ADAM12: variants seen among roughly 807,000 people sequenced by gnomAD.
The protein encoded by ADAM12 is ADAM metallopeptidase domain 12.
A neutral mutation model predicts 106.4 loss-of-function variants in ADAM12; 70 were observed. The observed-to-expected ratio is 0.66, with a 90% confidence interval of 0.54 to 0.80. The LOEUF (loss-of-function observed/expected upper bound fraction) is 0.80. ADAM12 is among the 30% of genes least tolerant of loss of function. The pLI is 0.00. For missense variants in ADAM12, 1,010 were observed against 1,171.9 expected (o/e 0.86, Z 2.02); for synonymous variants, 420 against 433.5 (o/e 0.97, Z 0.39).
chr10:126,044,549 G>T (rs1198489343), intron 17 of ADAM12, among the ~76,000 whole-genome samples: 1 of 152,192 alleles, frequency 6.6e-6, no homozygotes, highest in African/African-American at 2.4e-5. Flanking sequence ...ATGACATTCA[G>T]TAAATCAATC....
At chr10:126,252,790 T>A (rs769307909) in intron 3 of ADAM12, among the ~76,000 whole-genome samples, 6 of 152,034 alleles carry the variant, frequency 3.9e-5, no homozygotes, top group Non-Finnish European at 7.4e-5. Context: ...GTTAACCCAG[T>A]CAAGTTGACA....
At chr10:126,376,052 CTT>C in intron 1 of ADAM12, among the ~76,000 whole-genome samples, 1 of 151,506 alleles carries the variant, frequency 6.6e-6, no homozygotes, top group Admixed American at 6.6e-5. Context: ...CTGGCTAATC[CTT>C]TTGTTTATCA....
In ADAM12 at chr10:126,203,371, T is replaced by C. The variant is rs56672178; in HGVS notation, c.261-48066A>G. Among the ~76,000 whole-genome samples the C allele has an allele frequency of 5.2e-3, 790 of 152,316 alleles. 4 individuals are homozygous for C. Among genetic ancestry groups the C allele is most frequent in the African/African-American group, 0.018 (741 of 41,566 alleles). On this transcript the variant is annotated intron_variant, in intron 3 of 22. Coordinates refer to ENST00000448723, the MANE Select transcript of ADAM12 (RefSeq NM_001288973.2). ...TAGCTTGGTTCAGTTGTTACTAAAA[T>C]CATATTTAAGGTAAATATTGCAACA...
chr10:126,192,690 TCAC>T (rs1957525551), intron 3 of ADAM12, among the ~76,000 whole-genome samples: 1 of 152,250 alleles, frequency 6.6e-6, no homozygotes, highest in African/African-American at 2.4e-5. Flanking sequence ...AAAATGTCCT[TCAC>T]TACCAGTTGA....
Position 126,066,793 on chromosome 10 carries a change from C to T in ADAM12, c.1337G>A (p.Arg446His), listed in dbSNP as rs752942246. 3.6e-5 allele frequency: 58 copies of T among 1,614,052 alleles called. No individual in the cohort carries two copies. The highest frequency in any genetic ancestry group is 5.0e-5 in the Admixed American group (3 of 60,018). ...GGTACAGGTGGTGGCATTGCAGCAG[C>T]GATTCATACATTCCTGGAAAGGGGA... ...DCGEPEECMN[R>H]CCNATTCTLK... Residue 446 changes from arginine to histidine, a missense_variant, in exon 13 of 23, where the codon CGC becomes CAC. Arg to His is a conservative substitution (Grantham distance 29). This residue lies in a region of ADAM12 where 615 missense variants were observed against 708.5 expected (regional missense o/e 0.87). Coordinates refer to ENST00000448723, the MANE Select transcript of ADAM12 (RefSeq NM_001288973.2). The surrounding 1 kb of genome is among the most constrained non-coding windows in gnomAD (Gnocchi z 5.1).
At chr10:126,037,375 T>C (rs1447450751) in intron 20 of ADAM12, among the ~76,000 whole-genome samples, 2 of 152,124 alleles carry the variant, frequency 1.3e-5, no homozygotes, top group East Asian at 1.9e-4. Flanking sequence ...TTCTCGCTTA[T>C]GGTTCCACCT....
At chr10:126,233,945 G>A (rs887296934) in intron 3 of ADAM12, among the ~76,000 whole-genome samples, 10 of 152,318 alleles carry the variant, frequency 6.6e-5, no homozygotes, top group East Asian at 1.9e-4. Context: ...TTAAGGAACC[G>A]GCAATATATC....
intron 3 of ADAM12, among the ~76,000 whole-genome samples, chr10:126,228,910 A>C (rs1354675489): frequency 6.6e-6 from 1 of 152,256 alleles, no homozygotes; most frequent in Non-Finnish European, 1.5e-5. Context: ...GATTTTATAG[A>C]TTAAGGTTAA....
intron 1 of ADAM12, among the ~76,000 whole-genome samples, chr10:126,359,632 A>G (rs1855670865): frequency 6.6e-6 from 1 of 152,178 alleles, no homozygotes; most frequent in Non-Finnish European, 1.5e-5. Flanking sequence ...CATGGTCTTG[A>G]GCAGCTCCAC....
intron 1 of ADAM12, among the ~76,000 whole-genome samples, chr10:126,368,770 A>G (rs1856006771): frequency 6.6e-6 from 1 of 152,032 alleles, no homozygotes; most frequent in African/African-American, 2.4e-5. Flanking sequence ...AAAAGTTTAA[A>G]ATGAGGGTAG....
In ADAM12 at chr10:126,131,616, C is replaced by G. The variant is rs7893541; in HGVS notation, c.416+3968G>C. Among the ~76,000 whole-genome samples the G allele has an allele frequency of 3.3e-3, 499 of 152,212 alleles. 4 individuals are homozygous for G. The highest frequency in any genetic ancestry group is 0.012 in the African/African-American group (487 of 41,530). The stretch of plus-strand genomic sequence containing the variant: ...CACCAGAGCTTCCTCCCTCTGTACA[C>G]GCACAAAGAGAGGTCACGTGAGCAC... On this transcript the variant is annotated intron_variant, in intron 5 of 22. Transcript: ENST00000448723.
At chr10:126,117,297 G>A (rs1385144244) in intron 6 of ADAM12, among the ~76,000 whole-genome samples, 1 of 152,318 alleles carries the variant, frequency 6.6e-6, no homozygotes, top group Non-Finnish European at 1.5e-5. Context: ...CACTACACGT[G>A]TCAGGAAGGG....
At chr10:126,097,418 C>T (rs1293048350) in intron 10 of ADAM12, among the ~76,000 whole-genome samples, 1 of 152,214 alleles carries the variant, frequency 6.6e-6, no homozygotes, top group Non-Finnish European at 1.5e-5. Flanking sequence ...AATGACCAAT[C>T]TCTGAACCCA....
chr10:126,079,072 G>A (rs1188232760), intron 11 of ADAM12, among the ~76,000 whole-genome samples: 3 of 152,140 alleles, frequency 2.0e-5, no homozygotes, highest in African/African-American at 7.2e-5. Context: ...ACATTCTCAA[G>A]CCCCACTCAG....
At chr10:126,300,251 G>A (rs1418882207) in intron 2 of ADAM12, among the ~76,000 whole-genome samples, 1 of 152,120 alleles carries the variant, frequency 6.6e-6, no homozygotes, top group East Asian at 1.9e-4. Context: ...TGTGGCCCAG[G>A]AAAGAAGGAA....
intron 3 of ADAM12, among the ~76,000 whole-genome samples, chr10:126,255,918 T>C (rs1958882405): frequency 6.6e-6 from 1 of 152,168 alleles, no homozygotes; most frequent in African/African-American, 2.4e-5. Flanking sequence ...CCAAGGGCCT[T>C]CGGCATCAGG....
chr10:126,364,705 T>G (rs1468231188), intron 1 of ADAM12, among the ~76,000 whole-genome samples: 1 of 152,042 alleles, frequency 6.6e-6, no homozygotes, highest in Non-Finnish European at 1.5e-5. Flanking sequence ...AGACAAATCT[T>G]CAATAACAAA....
At chr10:126,244,372 G>C (rs1230585418) in intron 3 of ADAM12, among the ~76,000 whole-genome samples, 2 of 152,182 alleles carry the variant, frequency 1.3e-5, no homozygotes, top group Non-Finnish European at 2.9e-5. Context: ...ATGGAAGAGA[G>C]GAGAAGGTAC....
intron 4 of ADAM12, among the ~76,000 whole-genome samples, chr10:126,136,605 C>T (rs538417978): frequency 3.3e-5 from 5 of 152,274 alleles, no homozygotes; most frequent in African/African-American, 9.6e-5. Flanking sequence ...CTTTGTCCAG[C>T]GCAGAGCTTG....
Sources: allele counts gnomAD v4.1 joint callset (sites outside exome capture counted in the v4.1 genomes callset), GRCh38; gene constraint gnomAD v4.1.1; regional missense constraint gnomAD v4.1.1; non-coding constraint Gnocchi (gnomAD v3.1); transcripts MANE v1.5; gene names NCBI Gene and HGNC (gene_info 2026-07-23, HGNC 2026-07-21).